Variants in ANO6 observed in about 807,000 individuals in gnomAD.
ANO6 encodes anoctamin 6, also known as anoctamin-6.
ANO6 carries 106 observed loss-of-function variants against 117.5 expected under a neutral mutation model. The ratio of observed to expected loss-of-function variants is 0.90; its 90% CI spans 0.77 to 1.06. The LOEUF (loss-of-function observed/expected upper bound fraction) is 1.06. Among genes scored for constraint, ANO6 ranks in the 50% least tolerant of loss-of-function variants. The pLI, the probability that ANO6 is intolerant of heterozygous loss-of-function variation, is 0.00. For missense variants in ANO6, 955 were observed against 1,121.1 expected, an observed-to-expected ratio of 0.85 and a Z score of 2.12; for synonymous variants, 367 against 385.1, an observed-to-expected ratio of 0.95 and a Z score of 0.55.
intron 2 of ANO6, among the ~76,000 whole-genome samples, chr12:45,323,715 A>T (rs1057109773): frequency 1.3e-5 from 2 of 152,178 alleles, no homozygotes; most frequent in Non-Finnish European, 2.9e-5. Flanking sequence ...CTAGTTGTAC[A>T]TGGCATAGTT....
chr12:45,303,656 A>G (rs913376708), intron 2 of ANO6, among the ~76,000 whole-genome samples: 1 of 152,206 alleles, frequency 6.6e-6, no homozygotes, highest in Non-Finnish European at 1.5e-5. Flanking sequence ...AGATACACTG[A>G]TAATCTTCCT....
intron 1 of ANO6, among the ~76,000 whole-genome samples, chr12:45,283,887 C>T (rs1211543642): frequency 1.3e-5 from 2 of 152,200 alleles, no homozygotes; most frequent in African/African-American, 2.4e-5. Context: ...CTTAGATTGT[C>T]TCTCACTTCC....
At chr12:45,305,926 G>A (rs2137317642) in intron 2 of ANO6, among the ~76,000 whole-genome samples, 1 of 152,204 alleles carries the variant, frequency 6.6e-6, no homozygotes, top group Middle Eastern at 3.4e-3. Flanking sequence ...AATAACTGGA[G>A]GTGCAGGGGG....
chr12:45,379,573 G>A (rs1220125695), intron 10 of ANO6, among the ~76,000 whole-genome samples: 1 of 152,196 alleles, frequency 6.6e-6, no homozygotes, highest in Non-Finnish European at 1.5e-5. Context: ...ACATGGGTCA[G>A]CATTTTAACT....
chr12:45,295,096 C>G (rs935409674), intron 1 of ANO6, among the ~76,000 whole-genome samples: 1 of 152,164 alleles, frequency 6.6e-6, no homozygotes, highest in Admixed American at 6.5e-5. Context: ...AACCATGTAG[C>G]GCTCTTATGA....
intron 19 of ANO6, among the ~76,000 whole-genome samples, chr12:45,427,709 A>G (rs943740378): frequency 1.3e-5 from 2 of 151,902 alleles, no homozygotes; most frequent in Non-Finnish European, 2.9e-5. Flanking sequence ...CCAAAGGGAA[A>G]GTCCATTTCA....
chr12:45,278,155 CTG>C (rs1452266793), intron 1 of ANO6, among the ~76,000 whole-genome samples: 2 of 152,132 alleles, frequency 1.3e-5, no homozygotes, highest in Non-Finnish European at 2.9e-5. Context: ...CAGGGTCTCT[CTG>C]TGTTGCCCAG....
intron 9 of ANO6, among the ~76,000 whole-genome samples, chr12:45,368,894 C>G (rs1465112674): frequency 6.6e-6 from 1 of 152,190 alleles, no homozygotes; most frequent in Non-Finnish European, 1.5e-5. Context: ...ATAGACAGAA[C>G]AGGCATTATC....
At chr12:45,266,805 AG>A (rs1938231330) in intron 1 of ANO6, among the ~76,000 whole-genome samples, 1 of 145,658 alleles carries the variant, frequency 6.9e-6, no homozygotes, top group Non-Finnish European at 1.5e-5. Flanking sequence ...TCAAAAAACA[AG>A]TGTGTGTGTG....
chr12:45,435,092 C>G (rs146796157), downstream of ANO6, among the ~76,000 whole-genome samples: 1,526 of 152,246 alleles, frequency 0.01, 21 homozygotes, highest in African/African-American at 0.034. Context: ...AGTGTAATTC[C>G]TAATACTTGA....
intron 16 of ANO6, among the ~76,000 whole-genome samples, chr12:45,410,825 A>T (rs1430317837): frequency 6.6e-6 from 1 of 152,238 alleles, no homozygotes; most frequent in African/African-American, 2.4e-5. Context: ...AATATACATT[A>T]TACATGGAAA....
intron 1 of ANO6, among the ~76,000 whole-genome samples, chr12:45,238,869 C>G (rs141859522): frequency 2.2e-4 from 33 of 152,238 alleles, no homozygotes; most frequent in South Asian, 1.0e-3. Context: ...GTTAAACTAG[C>G]CTTGCATCCC....
At chr12:45,382,710 A>G (rs1336201884) in intron 10 of ANO6, among the ~76,000 whole-genome samples, 2 of 152,232 alleles carry the variant, frequency 1.3e-5, no homozygotes, top group African/African-American at 4.8e-5. Context: ...TGCATATAAA[A>G]GTTATGGTTA....
intron 2 of ANO6, among the ~76,000 whole-genome samples, chr12:45,322,029 TA>T: frequency 2.0e-5 from 3 of 152,158 alleles, no homozygotes; most frequent in Non-Finnish European, 4.4e-5. Flanking sequence ...GGGATTGTGC[TA>T]AGGTGCTGGC....
Position 45,429,658 on chromosome 12 carries a change from T to C in ANO6, c.*347T>C. 1 of 1,144,854 alleles carries C rather than the reference T, an allele frequency of 8.7e-7. No individual in the cohort carries two copies. Among genetic ancestry groups the C allele is most frequent in the Admixed American group, 4.7e-5 (1 of 21,282 alleles). The allele number at this position is 1,144,854 out of a possible 1,614,324, so 70.9% of individuals were successfully genotyped here. On this transcript the variant is annotated 3_prime_UTR_variant, in exon 20 of 20. Transcript: ENST00000320560. ...TTTGATTATTTTCATTTCTGTCTAT[T>C]CTCAGGCGCATGATCTCCTTTATTT...
At chr12:45,295,588 C>T (rs1330489633) in intron 1 of ANO6, among the ~76,000 whole-genome samples, 3 of 152,082 alleles carry the variant, frequency 2.0e-5, no homozygotes, top group Non-Finnish European at 4.4e-5. Context: ...GAGTCTTACT[C>T]GGTTGCCCAG....
intron 12 of ANO6, among the ~76,000 whole-genome samples, chr12:45,391,341 G>A (rs1942444829): frequency 1.3e-5 from 2 of 152,086 alleles, no homozygotes; most frequent in Admixed American, 6.5e-5. Flanking sequence ...AATTTAGTGT[G>A]AGTTTTAATG....
rs535631125 is a variant in ANO6, at chr12:45,321,613, T to C, written c.151-9682T>C. 4.6e-5 allele frequency among the ~76,000 whole-genome samples: 7 copies of C among 152,254 alleles called. No individual in the cohort carries two copies. In the East Asian group the frequency reaches 1.4e-3, roughly 29 times the overall value. Reference sequence around the variant, plus strand: ...TGTATTTTGTCACTAACAGGAAATGTTGTCAGTTGTTTTCCTTGAAATGAC... The same window carrying C: ...TGTATTTTGTCACTAACAGGAAATGCTGTCAGTTGTTTTCCTTGAAATGAC... On this transcript the variant is annotated intron_variant, in intron 2 of 19. Transcript: ENST00000320560.
chr12:45,438,668 T>G, intron 19 of ANO6, among the ~76,000 whole-genome samples: 1 of 152,216 alleles, frequency 6.6e-6, no homozygotes. Context: ...ATTTCAAAAT[T>G]CAAAAAAATC....
Sources: gnomAD v4.1 joint callset for allele counts (sites outside exome capture counted in the v4.1 genomes callset) on GRCh38, gnomAD v4.1.1 for gene constraint, MANE v1.5 for transcripts, NCBI Gene and HGNC (gene_info 2026-07-23, HGNC 2026-07-21) for gene names.